TACC2: variants seen among roughly 807,000 people sequenced by gnomAD.
TACC2 encodes the protein transforming acidic coiled-coil-containing protein 2.
TACC2 carries 137 observed loss-of-function variants against 227.3 expected under a neutral mutation model. That is an observed-to-expected ratio of 0.60 (90% CI 0.52 to 0.69). TACC2 has a LOEUF of 0.69. Among genes scored for constraint, TACC2 ranks in the 30% least tolerant of loss-of-function variants. The pLI is 0.00. For missense variants in TACC2, 3,470 were observed against 3,694.4 expected (o/e 0.94, Z 1.57); for synonymous variants, 1,523 against 1,487.5 (o/e 1.02, Z -0.55).
chr10:122,230,083 A>G (rs529561652), intron 15 of TACC2, among the ~76,000 whole-genome samples: 1 of 152,326 alleles, frequency 6.6e-6, no homozygotes, highest in East Asian at 1.9e-4. Context: ...AGAGAACAGT[A>G]AAAATTTTGA....
chr10:122,197,542 A>G (rs919707116), intron 8 of TACC2, among the ~76,000 whole-genome samples: 20 of 152,222 alleles, frequency 1.3e-4, no homozygotes, highest in Non-Finnish European at 2.6e-4. Context: ...TTTTTCTTAG[A>G]TGGCAGTTAC....
intron 7 of TACC2, among the ~76,000 whole-genome samples, chr10:122,185,394 C>T (rs545885630): frequency 6.6e-6 from 1 of 152,026 alleles, no homozygotes; most frequent in Non-Finnish European, 1.5e-5. Context: ...TGGGGTTTCT[C>T]CATGTTGGCC....
intron 7 of TACC2, among the ~76,000 whole-genome samples, chr10:122,160,908 C>T (rs1201507380): frequency 2.6e-5 from 4 of 152,124 alleles, no homozygotes; most frequent in African/African-American, 9.7e-5. Flanking sequence ...TTAGTTGTAT[C>T]GACTGTAATG....
At chr10:122,109,919 G>C (rs1403782174) in intron 5 of TACC2, among the ~76,000 whole-genome samples, 2 of 152,152 alleles carry the variant, frequency 1.3e-5, no homozygotes, top group Admixed American at 6.5e-5. Flanking sequence ...TATAAAATTA[G>C]TGTGTTTTCA....
chr10:121,994,850 C>T (rs1363902501), intron 1 of TACC2: 1 of 152,212 alleles, frequency 6.6e-6, no homozygotes, highest in Non-Finnish European at 1.5e-5. Context: ...ATCTGTGCCT[C>T]TCCACTCCTT....
intron 16 of TACC2, 33 bp from the exon 17 acceptor site, chr10:122,237,362 C>G (rs775048008): frequency 1.3e-6 from 2 of 1,582,396 alleles, no homozygotes; most frequent in East Asian, 2.2e-5. Context: ...TTAATGCTAA[C>G]TGTTTTTTTT....
chr10:122,109,814 T>A (rs1466614777), intron 5 of TACC2, among the ~76,000 whole-genome samples: 3 of 152,218 alleles, frequency 2.0e-5, no homozygotes, highest in African/African-American at 7.2e-5. Context: ...ACTTAAGTTT[T>A]TTAAAGTCTG....
rs766688126 is a variant in TACC2 at position 122,210,453 on chromosome 10, G to A, written c.6028G>A (p.Gly2010Arg). 3.1e-6 allele frequency: 5 copies of A among 1,614,146 alleles called. No individual in the cohort carries two copies. Among genetic ancestry groups the A allele is most frequent in the Non-Finnish European group, 4.2e-6 (5 of 1,180,020 alleles). The change falls in exon 9 of 23, where the codon GGA (glycine) becomes AGA (arginine). Residue 2010 changes from glycine (G) to arginine (R), a missense_variant. Coordinates refer to ENST00000369005, the MANE Select transcript of TACC2 (RefSeq NM_206862.4). This position sits in a 1 kb window ranked among gnomAD's most constrained non-coding sequence, Gnocchi z 4.6. Reference sequence around the variant, plus strand: ...TGGCCCACGGAGCGACTCGGTGGAAGGAAGTCCCTTCCGTCCCCCGTCACA... The same window carrying A: ...TGGCCCACGGAGCGACTCGGTGGAAAGAAGTCCCTTCCGTCCCCCGTCACA... ...PDGPRSDSVE[G>R]SPFRPPSHSF... is the part of the protein sequence containing the mutation.
Position 122,008,264 on chromosome 10 carries a change from A to ATTATTATTATTTT in TACC2, c.-45-13671_-45-13670insATTATTATTTTTT. Among the ~76,000 whole-genome samples the ATTATTATTATTTT allele has an allele frequency of 3.9e-3, 527 of 134,646 alleles. 2 individuals are homozygous for ATTATTATTATTTT. Among genetic ancestry groups the ATTATTATTATTTT allele is most frequent in the Non-Finnish European group, 5.9e-3 (380 of 64,430 alleles). The allele number at this position is 134,646 out of a possible 152,430, so 88.3% of individuals were successfully genotyped here. A position where few individuals can be genotyped will look rare whatever the true frequency, so the allele number is the denominator to read the frequency against. On this transcript the variant is annotated intron_variant, in intron 1 of 22. Coordinates refer to ENST00000369005, the MANE Select transcript of TACC2 (RefSeq NM_206862.4). ...TCCCTTTGTTATTATTATTATTATT[A>ATTATTATTATTTT]TTTTTTTTTTTTGAGACAGAATTTT... is the stretch of plus-strand genomic sequence containing the variant.
intron 7 of TACC2, among the ~76,000 whole-genome samples, chr10:122,174,696 A>G (rs894202227): frequency 6.6e-6 from 1 of 152,198 alleles, no homozygotes; most frequent in Non-Finnish European, 1.5e-5. Context: ...TGTAGAATAC[A>G]CTTAAAATCT....
At chr10:122,049,328 C>T (rs2075411804) in intron 2 of TACC2, among the ~76,000 whole-genome samples, 1 of 152,208 alleles carries the variant, frequency 6.6e-6, no homozygotes. Flanking sequence ...GTTTCGTCCA[C>T]CACAGCTGGA....
intron 18 of TACC2, among the ~76,000 whole-genome samples, chr10:122,241,104 TAGAGAG>T (rs1036381452): frequency 7.3e-5 from 11 of 151,702 alleles, no homozygotes; most frequent in African/African-American, 2.7e-4. Context: ...GGGGTAGAAA[TAGAGAG>T]AAAGTGAATA....
In TACC2 at chr10:122,211,211, C is replaced by T. The variant is rs75938210; in HGVS notation, c.6786C>T (p.Ser2262=). The T allele has an allele frequency of 1.7e-3, 2,669 of 1,613,998 alleles. 42 individuals are homozygous for T. In the African/African-American group the frequency reaches 0.031, roughly 19 times the overall value. ...AGGACTCTCCAGCCAAAGGGCTCTCCGTAAGGCTGGAGTTTGACTATTCTG... is the reference window on the plus strand; with the variant it reads ...AGGACTCTCCAGCCAAAGGGCTCTCTGTAAGGCTGGAGTTTGACTATTCTG... The part of the protein sequence containing the change: ...GQEDSPAKGL[S]VRLEFDYSED... The change falls in exon 9 of 23, where the codon TCC becomes TCT. Residue 2262 remains serine, a synonymous_variant. Coordinates refer to ENST00000369005, the MANE Select transcript of TACC2 (RefSeq NM_206862.4).
chr10:122,132,606 C>T lies in TACC2; in HGVS notation c.5574-3C>T. The T allele has an allele frequency of 6.2e-7, 1 of 1,614,168 alleles. No individual in the cohort carries two copies. The highest frequency in any genetic ancestry group is 8.5e-7 in the Non-Finnish European group (1 of 1,180,018). On this transcript the variant is annotated splice_region_variant and splice_polypyrimidine_tract_variant and intron_variant, in intron 5 of 22. Transcript: ENST00000369005. ...TTAGGTTCTTTCCCTTTTCTCTCCC[C>T]AGTTCACCTGTGGCAGATGATATCA...
At chr10:122,174,579 C>T (rs956698834) in intron 7 of TACC2, among the ~76,000 whole-genome samples, 3 of 152,026 alleles carry the variant, frequency 2.0e-5, no homozygotes, top group East Asian at 1.9e-4. Context: ...ATAAAACGTT[C>T]GTGAAACACT....
At chr10:122,203,283 A>T (rs1406782093) in intron 8 of TACC2, among the ~76,000 whole-genome samples, 4 of 129,680 alleles carry the variant, frequency 3.1e-5, no homozygotes, top group African/African-American at 1.6e-4. Flanking sequence ...CTGGCCGGGC[A>T]GAGGGGCTCC....
Position 122,145,244 on chromosome 10 carries a change from G to A in TACC2, c.5834+1538G>A, listed in dbSNP as rs538222476. On this transcript the variant is annotated intron_variant, in intron 7 of 22. Transcript: ENST00000369005. ...TTGTATGCATGTATTCTTCATAATT[G>A]CCCCAAATTTGAAACAACCCAGATA... 5.9e-5 allele frequency among the ~76,000 whole-genome samples: 9 copies of A among 152,200 alleles called. 1 individual carries two copies. In the South Asian group the frequency reaches 1.9e-3, roughly 32 times the overall value.
intron 14 of TACC2, 97 bp downstream of exon 14, chr10:122,228,105 C>T (rs956423702): frequency 1.5e-6 from 2 of 1,303,380 alleles, no homozygotes. Context: ...CAACACTCAC[C>T]TGGCACCTGC....
intron 10 of TACC2, among the ~76,000 whole-genome samples, chr10:122,216,229 C>G (rs578079724): frequency 2.0e-5 from 3 of 152,238 alleles, no homozygotes; most frequent in Admixed American, 2.0e-4. Context: ...GATAAGATCC[C>G]CCTTTTTCTG....
Sources: allele counts gnomAD v4.1 joint callset (sites outside exome capture counted in the v4.1 genomes callset), GRCh38; gene constraint gnomAD v4.1.1; non-coding constraint Gnocchi (gnomAD v3.1); transcripts MANE v1.5; gene names NCBI Gene and HGNC (gene_info 2026-07-23, HGNC 2026-07-21).